The following FAM229B variants were observed in gnomAD, a reference collection of about 807,000 sequenced individuals.
The protein encoded by FAM229B is protein FAM229B.
Under a neutral mutation model 6.7 loss-of-function variants are expected in FAM229B, and 2 were observed. That is an observed-to-expected ratio of 0.30 (90% CI 0.12 to 0.94). The LOEUF (loss-of-function observed/expected upper bound fraction) is 0.94. Ranked by LOEUF, FAM229B falls within the 40% of genes least tolerant of loss-of-function variation. The pLI, the probability that FAM229B is intolerant of heterozygous loss-of-function variation, is 0.54. For missense variants in FAM229B, 93 were observed against 96.2 expected (o/e 0.97, Z 0.14); for synonymous variants, 29 against 34.0 (o/e 0.85, Z 0.51).
At chr6:112,099,509 T>C in intron 3 of FAM229B, 101 bp downstream of exon 3, 1 of 1,156,332 alleles carries the variant, frequency 8.6e-7, no homozygotes, top group South Asian at 1.9e-5. Flanking sequence ...CTCTCAGCAA[T>C]TCAAAAACAT....
At chr6:112,095,419 C>T (rs926159625) in intron 1 of FAM229B, among the ~76,000 whole-genome samples, 2 of 151,656 alleles carry the variant, frequency 1.3e-5, no homozygotes, top group South Asian at 2.1e-4. Flanking sequence ...ATCACTTGAG[C>T]CCAGGAATTT....
At chr6:112,092,650 T>G (rs999710752) in intron 1 of FAM229B, among the ~76,000 whole-genome samples, 11 of 152,154 alleles carry the variant, frequency 7.2e-5, no homozygotes, top group Non-Finnish European at 1.5e-4. Context: ...ATAGAAGGCA[T>G]CTCTTGTTTT....
intron 1 of FAM229B, among the ~76,000 whole-genome samples, chr6:112,095,635 C>CAAAAAAAAAAAAAAAAAAACAAAAAAA (rs1777311532): frequency 2.0e-5 from 1 of 48,796 alleles, no homozygotes; most frequent in Admixed American, 3.8e-4. Flanking sequence ...GACCCTGTCT[C>CAAAAAAAAAAAAAAAAAAACAAAAAAA]AAAAAAAAAA....
chr6:112,091,793 A>T (rs186677710), intron 1 of FAM229B, among the ~76,000 whole-genome samples: 1 of 152,158 alleles, frequency 6.6e-6, no homozygotes, highest in African/African-American at 2.4e-5. Flanking sequence ...AGTAAACATA[A>T]TAATTACATA....
intron 1 of FAM229B, among the ~76,000 whole-genome samples, chr6:112,092,884 A>G (rs1777275952): frequency 6.6e-6 from 1 of 152,012 alleles, no homozygotes; most frequent in Non-Finnish European, 1.5e-5. Context: ...CACAAAACAA[A>G]ACACAAAGGT....
chr6:112,091,843 C>T (rs587596439), intron 1 of FAM229B, among the ~76,000 whole-genome samples: 1 of 151,734 alleles, frequency 6.6e-6, no homozygotes, highest in Non-Finnish European at 1.5e-5. Flanking sequence ...TTCAAGAGGA[C>T]AGAAGGAAGC....
chr6:112,096,824 A>G lies in FAM229B; in HGVS notation c.-175-217A>G, dbSNP rs188043036. On this transcript the variant is annotated intron_variant, in intron 1 of 3. Coordinates refer to ENST00000368656, the MANE Select transcript of FAM229B (RefSeq NM_001033564.3). ...AGAGAAGGTCTGGGAGAGAAAGGGA[A>G]TGAGGAAAACAGGATATAAAATGAG... 3.3e-3 allele frequency among the ~76,000 whole-genome samples: 510 copies of G among 152,246 alleles called. 1 individual carries two copies. The highest frequency in any genetic ancestry group is 5.7e-3 in the Non-Finnish European group (387 of 67,992).
Position 112,099,441 on chromosome 6 carries a change from A to G in FAM229B, c.125+33A>G, listed in dbSNP as rs781806196. On this transcript the variant is annotated intron_variant, in intron 3 of 3. Coordinates refer to ENST00000368656, the MANE Select transcript of FAM229B (RefSeq NM_001033564.3). The stretch of plus-strand genomic sequence containing the variant: ...CTTCTGTCCTCACAAGTGAGGAGAT[A>G]TGTATTGGCTATCATCAATACAACC... The G allele has an allele frequency of 4.1e-5, 65 of 1,590,554 alleles. No individual in the cohort carries two copies. The South Asian group carries it at 6.7e-4, about 17-fold the overall frequency.
At chr6:112,100,330 C>T (rs1437343927) in intron 3 of FAM229B, among the ~76,000 whole-genome samples, 1 of 152,228 alleles carries the variant, frequency 6.6e-6, no homozygotes, top group African/African-American at 2.4e-5. Flanking sequence ...TGCAAATGCA[C>T]ATGAATTGCC....
At chr6:112,095,103 C>T (rs1777304288) in intron 1 of FAM229B, among the ~76,000 whole-genome samples, 1 of 152,120 alleles carries the variant, frequency 6.6e-6, no homozygotes, top group Non-Finnish European at 1.5e-5. Flanking sequence ...TATTTTACTT[C>T]ATATATATCC....
chr6:112,092,213 T>C (rs1777265706), intron 1 of FAM229B, among the ~76,000 whole-genome samples: 1 of 152,054 alleles, frequency 6.6e-6, no homozygotes, highest in African/African-American at 2.4e-5. Flanking sequence ...AGAAGCTCGG[T>C]GAACCTTAGG....
intron 1 of FAM229B, among the ~76,000 whole-genome samples, chr6:112,094,783 C>T (rs1315622969): frequency 1.3e-5 from 2 of 152,140 alleles, no homozygotes; most frequent in African/African-American, 4.8e-5. Flanking sequence ...TTCTGCATCT[C>T]ATGAATTAAT....
chr6:112,096,218 A>G (rs1044062505), intron 1 of FAM229B, among the ~76,000 whole-genome samples: 2 of 152,206 alleles, frequency 1.3e-5, no homozygotes, highest in African/African-American at 4.8e-5. Context: ...GCAGAGAAGC[A>G]GCCCAGGGCT....
rs587748795 is a variant in FAM229B at position 112,092,403 on chromosome 6, C to A, written c.-175-4638C>A. On this transcript the variant is annotated intron_variant, in intron 1 of 3. Transcript: ENST00000368656. Reference sequence around the variant, plus strand: ...AATGCAAGCTGGAACATAGTGGACCCAAATCTTTAAAGTACCTAAAGAAAA... The same window carrying A: ...AATGCAAGCTGGAACATAGTGGACCAAAATCTTTAAAGTACCTAAAGAAAA... Among the ~76,000 whole-genome samples, 14 of 151,924 alleles carry A rather than the reference C, an allele frequency of 9.2e-5. No homozygotes were observed. The South Asian group carries it at 2.9e-3, about 32-fold the overall frequency.
chr6:112,099,044 A>T (rs1442825880), intron 2 of FAM229B, among the ~76,000 whole-genome samples: 6 of 152,208 alleles, frequency 3.9e-5, no homozygotes, highest in Non-Finnish European at 8.8e-5. Flanking sequence ...CTGTAGTTCC[A>T]GTTACTCAGG....
intron 1 of FAM229B, among the ~76,000 whole-genome samples, chr6:112,095,625 G>A (rs1554318562): frequency 1.1e-5 from 1 of 87,456 alleles, no homozygotes; most frequent in African/African-American, 4.7e-5. Flanking sequence ...GACAGAGCAA[G>A]ACCCTGTCTC....
Position 112,101,075 on chromosome 6 carries a change from T to A in FAM229B, c.*288T>A. ...AATATCAATAATTAAAGATGAAGCT[T>A]AATCCACCATGGTCATCAGTCAGGT... On this transcript the variant is annotated 3_prime_UTR_variant, in exon 4 of 4. Coordinates refer to ENST00000368656, the MANE Select transcript of FAM229B (RefSeq NM_001033564.3). The A allele has an allele frequency of 4.0e-6, 1 of 250,108 alleles. No individual in the cohort carries two copies. Among genetic ancestry groups the A allele is most frequent in the African/African-American group, 2.2e-5 (1 of 44,524 alleles). The allele number at this position is 250,108 out of a possible 1,614,324, so 15.5% of individuals were successfully genotyped here.
At chr6:112,099,996 G>A (rs1554319067) in intron 3 of FAM229B, among the ~76,000 whole-genome samples, 1 of 152,186 alleles carries the variant, frequency 6.6e-6, no homozygotes, top group African/African-American at 2.4e-5. Context: ...AGATTCTCAT[G>A]GCTTGGAAAT....
chr6:112,098,579 GA>G (rs1777355858), intron 2 of FAM229B, among the ~76,000 whole-genome samples: 2 of 152,188 alleles, frequency 1.3e-5, no homozygotes, highest in Admixed American at 6.5e-5. Flanking sequence ...TAAGTACCTT[GA>G]CTGAAGATCA....
Sources: allele counts gnomAD v4.1 joint callset (sites outside exome capture counted in the v4.1 genomes callset), GRCh38; gene constraint gnomAD v4.1.1; transcripts MANE v1.5; gene names NCBI Gene and HGNC (gene_info 2026-07-23, HGNC 2026-07-21).